LTV1: variants seen among roughly 807,000 people sequenced by gnomAD.
LTV1 encodes protein LTV1 homolog.
LTV1 carries 39 observed loss-of-function variants against 59.9 expected under a neutral mutation model. The observed-to-expected ratio is 0.65, with a 90% CI of 0.50 to 0.85. The LOEUF (loss-of-function observed/expected upper bound fraction) is 0.85. Ranked by LOEUF, LTV1 falls within the 40% of genes least tolerant of loss-of-function variation. The pLI is 0.00. For missense variants in LTV1, 493 were observed against 549.1 expected (o/e 0.90, Z 1.02); for synonymous variants, 171 against 189.5 (o/e 0.90, Z 0.80).
At position 143,857,649 on chromosome 6, in the gene LTV1, A is replaced by C; in HGVS notation, c.540-103A>C. 1.5e-6 allele frequency: 2 copies of C among 1,342,778 alleles called. No homozygotes were observed. The highest frequency in any genetic ancestry group is 2.1e-6 in the Non-Finnish European group (2 of 954,708). 83.2% of individuals were successfully genotyped at this position (1,342,778 alleles called of 1,614,324 possible). On this transcript the variant is annotated intron_variant, in intron 5 of 10. Coordinates refer to ENST00000367576, the MANE Select transcript of LTV1 (RefSeq NM_032860.5). The surrounding 1 kb of genome is among the most constrained non-coding windows in gnomAD (Gnocchi z 5.2). The stretch of plus-strand genomic sequence containing the variant: ...ACACCCTCACTCTTCCTGCCTAGAC[A>C]AGAACCCTTCCTGAAATACCTTCCA...
At chr6:143,859,144 G>A (rs1012454341) in intron 6 of LTV1, among the ~76,000 whole-genome samples, 2 of 152,166 alleles carry the variant, frequency 1.3e-5, no homozygotes, top group African/African-American at 4.8e-5. Context: ...CTCATCTGGT[G>A]TTTTCAGACA....
Position 143,857,251 on chromosome 6 carries a change from A to G in LTV1, c.398-52A>G. On this transcript the variant is annotated intron_variant, in intron 4 of 10. Coordinates refer to ENST00000367576, the MANE Select transcript of LTV1 (RefSeq NM_032860.5). This position sits in a 1 kb window ranked among gnomAD's most constrained non-coding sequence, Gnocchi z 5.2. ...GGTCCTTATATTGTGAGTTAAGTGA[A>G]TGAATTGTTGCTATCTTGGGAATTA... 6.2e-7 allele frequency: 1 copy of G among 1,603,878 alleles called. No homozygotes were observed. The highest frequency in any genetic ancestry group is 1.1e-5 in the South Asian group (1 of 89,898).
In LTV1 at chr6:143,863,344, G is replaced by A; in HGVS notation, c.1317+58G>A. The A allele has an allele frequency of 6.3e-7, 1 of 1,597,262 alleles. No individual in the cohort carries two copies. The highest frequency in any genetic ancestry group is 1.7e-5 in the Admixed American group (1 of 58,898). ...AAGAGCTGGTGGAGGGGAAATTAGG[G>A]GAATTTTGTAAAAGCAGTCTGTATC... is the stretch of plus-strand genomic sequence containing the variant. On this transcript the variant is annotated intron_variant, in intron 10 of 10. Coordinates refer to ENST00000367576, the MANE Select transcript of LTV1 (RefSeq NM_032860.5). The surrounding 1 kb of genome is among the most constrained non-coding windows in gnomAD (Gnocchi z 4.5).
In LTV1 at chr6:143,863,619, T is replaced by G; in HGVS notation, c.*92T>G. 1 of 742,114 alleles carries G rather than the reference T, an allele frequency of 1.3e-6. No homozygotes were observed. The highest frequency in any genetic ancestry group is 2.2e-6 in the Non-Finnish European group (1 of 455,140). 46.0% of individuals were successfully genotyped at this position (742,114 alleles called of 1,614,324 possible). A position where few individuals can be genotyped will look rare whatever the true frequency, so the allele number is the denominator to read the frequency against. On this transcript the variant is annotated 3_prime_UTR_variant, in exon 11 of 11. Coordinates refer to ENST00000367576, the MANE Select transcript of LTV1 (RefSeq NM_032860.5). The surrounding 1 kb of genome is among the most constrained non-coding windows in gnomAD (Gnocchi z 4.5). ...TTCAGAAAGACAAAACTGTTTGCCATTTTTACTGGCAGATAAGAGGAAAAT... is the reference window on the plus strand; with the variant it reads ...TTCAGAAAGACAAAACTGTTTGCCAGTTTTACTGGCAGATAAGAGGAAAAT...
chr6:143,862,540 C>G lies in LTV1; in HGVS notation c.1063+297C>G, dbSNP rs995221628. Among the ~76,000 whole-genome samples the G allele has an allele frequency of 2.0e-5, 3 of 152,072 alleles. No homozygotes were observed. Among genetic ancestry groups the G allele is most frequent in the Non-Finnish European group, 4.4e-5 (3 of 68,012 alleles). On this transcript the variant is annotated intron_variant, in intron 8 of 10. Coordinates refer to ENST00000367576, the MANE Select transcript of LTV1 (RefSeq NM_032860.5). The surrounding 1 kb of genome is among the most constrained non-coding windows in gnomAD (Gnocchi z 4.2). The stretch of plus-strand genomic sequence containing the variant: ...GGCAGAGGTTGCAATGAGCCGAGAT[C>G]ATGCCATTGCACTCCAACCTGGGCA...
Position 143,857,175 on chromosome 6 carries a change from T to C in LTV1, c.398-128T>C, listed in dbSNP as rs1195276192. 11 of 1,120,434 alleles carry C rather than the reference T, an allele frequency of 9.8e-6. No individual in the cohort carries two copies. In the African/African-American group the frequency reaches 1.1e-4, roughly 11 times the overall value. The allele number at this position is 1,120,434 out of a possible 1,614,324, so 69.4% of individuals were successfully genotyped here. A position where few individuals can be genotyped will look rare whatever the true frequency, so the allele number is the denominator to read the frequency against. ...TTATTCTTCACTAGACTGAACTTAG[T>C]TCTTAATCGTTCTTTTATCCTCAAT... is the stretch of plus-strand genomic sequence containing the variant. On this transcript the variant is annotated intron_variant, in intron 4 of 10. Coordinates refer to ENST00000367576, the MANE Select transcript of LTV1 (RefSeq NM_032860.5). The surrounding 1 kb of genome is among the most constrained non-coding windows in gnomAD (Gnocchi z 5.2).
At position 143,857,391 on chromosome 6, in the gene LTV1, C is replaced by A. The variant is rs376922935; in HGVS notation, c.486C>A (p.Asp162Glu). 5 of 1,613,848 alleles carry A rather than the reference C, an allele frequency of 3.1e-6. No individual in the cohort carries two copies. Among genetic ancestry groups the A allele is most frequent in the Non-Finnish European group, 2.5e-6 (3 of 1,179,970 alleles). The change falls in exon 5 of 11, where the codon GAC (aspartate) becomes GAA (glutamate). Residue 162 changes from aspartate to glutamate, a missense_variant. Transcript: ENST00000367576. The surrounding 1 kb of genome is among the most constrained non-coding windows in gnomAD (Gnocchi z 5.2). ...ATCCAGATAATCTGCTTGAGGATGA[C>A]TTTATTCTTCAGGCCAATAAGGCAA... ...FDDPDNLLED[D>E]FILQANKATG...
chr6:143,852,227 C>T (rs1776995767), intron 4 of LTV1, among the ~76,000 whole-genome samples: 1 of 152,228 alleles, frequency 6.6e-6, no homozygotes, highest in Non-Finnish European at 1.5e-5. Flanking sequence ...ACATCCTCTC[C>T]AGAATCTGTT....
Position 143,857,363 on chromosome 6 carries a change from A to AT in LTV1, c.459dup (p.Asp154Ter). The AT allele has an allele frequency of 6.2e-7, 1 of 1,614,066 alleles. No homozygotes were observed. The highest frequency in any genetic ancestry group is 8.5e-7 in the Non-Finnish European group (1 of 1,179,970). ...GCTCTTGATGATGATTTTGACTTTGATGATCCAGATAATCTGCTTGAGGAT... is the reference window on the plus strand; with the variant it reads ...GCTCTTGATGATGATTTTGACTTTGATTGATCCAGATAATCTGCTTGAGGAT... On this transcript the variant is annotated frameshift_variant, in exon 5 of 11. Transcript: ENST00000367576. LOFTEE classifies it high-confidence loss of function. This position sits in a 1 kb window ranked among gnomAD's most constrained non-coding sequence, Gnocchi z 5.2.
intron 1 of LTV1, 24 bp downstream of exon 1, chr6:143,843,504 G>T: frequency 6.2e-7 from 1 of 1,613,310 alleles, no homozygotes; most frequent in Non-Finnish European, 8.5e-7. Flanking sequence ...GCTTGTTTCG[G>T]CGGCCGAGCG....
Position 143,850,146 on chromosome 6 carries a change from T to C in LTV1, c.325T>C (p.Leu109=), listed in dbSNP as rs374855472. ...TLVIPSTGIK[L]PSSVFASEFE... ...CTTTTTCAAGAGCACTGGAATTAAG[T>C]TGCCTTCATCAGTGTTTGCTTCAGA... Residue 109 remains leucine (L), a synonymous_variant, in exon 4 of 11, where the codon TTG becomes CTG. Transcript: ENST00000367576. The C allele has an allele frequency of 6.2e-7, 1 of 1,613,398 alleles. No homozygotes were observed. Among genetic ancestry groups the C allele is most frequent in the African/African-American group, 1.3e-5 (1 of 74,918 alleles).
At chr6:143,856,715 G>T (rs994721507) in intron 4 of LTV1, among the ~76,000 whole-genome samples, 2 of 152,200 alleles carry the variant, frequency 1.3e-5, no homozygotes, top group African/African-American at 4.8e-5. Flanking sequence ...GCTGGAGTTT[G>T]CTGGAGGTCC....
chr6:143,849,459 G>A (rs1776946582), intron 3 of LTV1, among the ~76,000 whole-genome samples: 1 of 152,172 alleles, frequency 6.6e-6, no homozygotes, highest in African/African-American at 2.4e-5. Flanking sequence ...TCTCAGGCAG[G>A]TGGGCCATTT....
intron 6 of LTV1, among the ~76,000 whole-genome samples, chr6:143,859,125 T>A (rs1048207708): frequency 2.0e-5 from 3 of 152,210 alleles, no homozygotes; most frequent in African/African-American, 7.2e-5. Flanking sequence ...ATTCCATTTC[T>A]TTCCGTTTCT....
chr6:143,846,952 G>A (rs1016838783), intron 3 of LTV1, among the ~76,000 whole-genome samples: 1 of 152,202 alleles, frequency 6.6e-6, no homozygotes, highest in African/African-American at 2.4e-5. Flanking sequence ...AGTTTACCCT[G>A]CTCCTCATTC....
intron 7 of LTV1, among the ~76,000 whole-genome samples, chr6:143,861,433 C>CAA (rs1286965120): frequency 1.7e-4 from 20 of 114,630 alleles, no homozygotes; most frequent in African/African-American, 6.5e-4. Flanking sequence ...GACTCTGTCT[C>CAA]AAAAAAAAAA....
chr6:143,856,370 G>C (rs1358370638), intron 4 of LTV1, among the ~76,000 whole-genome samples: 1 of 151,984 alleles, frequency 6.6e-6, no homozygotes, highest in Non-Finnish European at 1.5e-5. Flanking sequence ...TCCTTGCGTT[G>C]GGTTAGAACA....
intron 4 of LTV1, among the ~76,000 whole-genome samples, chr6:143,853,628 T>A (rs1777023652): frequency 6.6e-6 from 1 of 152,192 alleles, no homozygotes; most frequent in Non-Finnish European, 1.5e-5. Flanking sequence ...CTCTTATTAT[T>A]TTGAGATATG....
At position 143,862,978 on chromosome 6, in the gene LTV1, C is replaced by T; in HGVS notation, c.1116+82C>T. The stretch of plus-strand genomic sequence containing the variant: ...ACATTTTCGCACAATAACTTTTTAT[C>T]TTTATGGCTAGAGTGATATTAGAAA... On this transcript the variant is annotated intron_variant, in intron 9 of 10. Coordinates refer to ENST00000367576, the MANE Select transcript of LTV1 (RefSeq NM_032860.5). The surrounding 1 kb of genome is among the most constrained non-coding windows in gnomAD (Gnocchi z 4.2). The T allele has an allele frequency of 6.9e-7, 1 of 1,449,184 alleles. No homozygotes were observed. Among genetic ancestry groups the T allele is most frequent in the East Asian group, 2.3e-5 (1 of 44,002 alleles). The allele number at this position is 1,449,184 out of a possible 1,614,324, so 89.8% of individuals were successfully genotyped here. A position where few individuals can be genotyped will look rare whatever the true frequency, so the allele number is the denominator to read the frequency against.
Sources: allele counts gnomAD v4.1 joint callset (sites outside exome capture counted in the v4.1 genomes callset), GRCh38; gene constraint gnomAD v4.1.1; non-coding constraint Gnocchi (gnomAD v3.1); transcripts MANE v1.5; gene names NCBI Gene and HGNC (gene_info 2026-07-23, HGNC 2026-07-21).